Variants in ZNF860 observed in about 807,000 individuals in gnomAD.
The protein encoded by ZNF860 is zinc finger protein 860.
For synonymous variants in ZNF860, 206 were observed against 248.9 expected (o/e 0.83, Z 1.62); for missense variants, 641 against 759.2 (o/e 0.84, Z 1.83).
intron 1 of ZNF860, among the ~76,000 whole-genome samples, chr3:31,984,639 A>G (rs1435084213): frequency 6.6e-6 from 1 of 152,218 alleles, no homozygotes; most frequent in Non-Finnish European, 1.5e-5. Context: ...ACCTCTGGAA[A>G]AATGGCAGAT....
the ZNF860 span, among the ~76,000 whole-genome samples, chr3:32,003,158 C>G: frequency 1.3e-5 from 2 of 152,194 alleles, no homozygotes; most frequent in East Asian, 3.9e-4. Flanking sequence ...GAAGGCAAAT[C>G]AACGGAATGT....
downstream of ZNF860, among the ~76,000 whole-genome samples, chr3:31,993,090 G>C (rs904187055): frequency 6.6e-6 from 1 of 152,066 alleles, no homozygotes; most frequent in Non-Finnish European, 1.5e-5. Flanking sequence ...GAAAATATTT[G>C]CAAATCATGT....
Sources: allele counts gnomAD v4.1 joint callset (sites outside exome capture counted in the v4.1 genomes callset), GRCh38; gene constraint gnomAD v4.1.1; transcripts MANE v1.5; gene names NCBI Gene and HGNC (gene_info 2026-07-23, HGNC 2026-07-21).